NRG1: variants seen among roughly 807,000 people sequenced by gnomAD.
NRG1 encodes neuregulin 1.
A neutral mutation model predicts 63.8 loss-of-function variants in NRG1; 18 were observed. The observed-to-expected ratio is 0.28, with a 90% CI of 0.19 to 0.42. The LOEUF (loss-of-function observed/expected upper bound fraction) is 0.42. NRG1 is among the 10% of genes least tolerant of loss of function. NRG1 has a pLI of 1.00. For missense variants in NRG1, 762 were observed against 814.7 expected (o/e 0.94, Z 0.79); for synonymous variants, 302 against 301.3 (o/e 1.00, Z -0.02).
intron 1 of NRG1, among the ~76,000 whole-genome samples, chr8:32,008,790 T>C (rs113982355): frequency 0.015 from 2,247 of 152,202 alleles, 50 homozygotes; most frequent in African/African-American, 0.051. Flanking sequence ...CTTTTCTCTT[T>C]CTGTGACTCA....
intron 5 of NRG1, among the ~76,000 whole-genome samples, chr8:32,673,411 T>G (rs1404255112): frequency 6.6e-6 from 1 of 152,196 alleles, no homozygotes; most frequent in Non-Finnish European, 1.5e-5. Context: ...TATAGTGGAA[T>G]CGATTAAATC....
intron 5 of NRG1, among the ~76,000 whole-genome samples, chr8:32,655,134 C>T (rs986383329): frequency 6.6e-6 from 1 of 152,084 alleles, no homozygotes; most frequent in Non-Finnish European, 1.5e-5. Context: ...CAATTTTGTC[C>T]CTCATTCTAT....
chr8:32,365,008 G>C (rs1228562257), intron 1 of NRG1, among the ~76,000 whole-genome samples: 1 of 130,918 alleles, frequency 7.6e-6, no homozygotes, highest in African/African-American at 3.0e-5. Context: ...GCCCAGGCTA[G>C]AGTGCAGTGG....
At chr8:32,571,148 TAAAACAATA>T (rs1380323069) in intron 1 of NRG1, among the ~76,000 whole-genome samples, 1 of 152,126 alleles carries the variant, frequency 6.6e-6, no homozygotes, top group Admixed American at 6.6e-5. Context: ...GCCAGTAACA[TAAAACAATA>T]AAGACAGTGC....
chr8:31,712,577 T>C (rs1811890891), intron 1 of NRG1, among the ~76,000 whole-genome samples: 1 of 152,160 alleles, frequency 6.6e-6, no homozygotes, highest in African/African-American at 2.4e-5. Flanking sequence ...CCATGATCTT[T>C]CTTTTAAAGG....
At chr8:32,178,337 C>T (rs1043270562) in intron 1 of NRG1, among the ~76,000 whole-genome samples, 10 of 152,104 alleles carry the variant, frequency 6.6e-5, no homozygotes, top group African/African-American at 1.7e-4. Context: ...TGGTCAGGCT[C>T]GATGGCTCAC....
chr8:32,631,169 A>T (rs2439275), intron 5 of NRG1, among the ~76,000 whole-genome samples: 93,195 of 151,058 alleles, frequency 0.62, 29,724 homozygotes, highest in African/African-American at 0.76. Context: ...AACTTTTTTT[A>T]AAAAAAAGAA....
intron 1 of NRG1, among the ~76,000 whole-genome samples, chr8:32,454,259 T>C (rs1821328681): frequency 6.6e-6 from 1 of 152,230 alleles, no homozygotes; most frequent in Non-Finnish European, 1.5e-5. Flanking sequence ...TTTTGATTAT[T>C]TAAAATCATC....
At chr8:31,826,630 G>T (rs201395447) in intron 1 of NRG1, among the ~76,000 whole-genome samples, 1 of 152,052 alleles carries the variant, frequency 6.6e-6, no homozygotes, top group Non-Finnish European at 1.5e-5. Context: ...CCTCCTCCTG[G>T]CCTGGAATAA....
At chr8:32,768,121 T>G (rs1035692645), downstream of NRG1, among the ~76,000 whole-genome samples, 32 of 152,202 alleles carry the variant, frequency 2.1e-4, no homozygotes, top group African/African-American at 7.7e-4. Flanking sequence ...CCACACCACC[T>G]GTTCTCAAAT....
chr8:32,748,356 C>CAGAGAG (rs1194142025), intron 7 of NRG1, among the ~76,000 whole-genome samples: 4 of 81,002 alleles, frequency 4.9e-5, no homozygotes, highest in African/African-American at 1.2e-4. Context: ...CACACACACA[C>CAGAGAG]ACAGAGAGAG....
chr8:32,177,756 C>T (rs1585869320), intron 1 of NRG1, among the ~76,000 whole-genome samples: 1 of 152,084 alleles, frequency 6.6e-6, no homozygotes, highest in African/African-American at 2.4e-5. Context: ...GAAAAAAAAT[C>T]ATGGGACCAT....
chr8:32,542,711 CCTT>C (rs1050156739), intron 1 of NRG1, among the ~76,000 whole-genome samples: 2 of 152,198 alleles, frequency 1.3e-5, no homozygotes, highest in Admixed American at 6.5e-5. Flanking sequence ...CCCACAGCCT[CCTT>C]CTTCAAGGGC....
chr8:32,060,402 A>C (rs768164809), intron 1 of NRG1, among the ~76,000 whole-genome samples: 18 of 151,972 alleles, frequency 1.2e-4, no homozygotes, highest in Non-Finnish European at 2.5e-4. Context: ...TTTGGCATCA[A>C]TGAGCCTCCA....
intron 1 of NRG1, among the ~76,000 whole-genome samples, chr8:32,327,915 C>T (rs554326619): frequency 1.9e-4 from 29 of 152,268 alleles, no homozygotes; most frequent in African/African-American, 7.0e-4. Context: ...AAAAAGTCAC[C>T]AACTCTATCA....
At chr8:32,548,737 G>T in exon 1 of NRG1, 3 of 1,584,606 alleles carry the variant, frequency 1.9e-6, no homozygotes, top group Non-Finnish European at 2.6e-6. Context: ...ATGTCCGAGC[G>T]CAAAGAAGGC....
At chr8:31,874,059 C>T (rs1161819293) in intron 1 of NRG1, among the ~76,000 whole-genome samples, 1 of 152,080 alleles carries the variant, frequency 6.6e-6, no homozygotes, top group African/African-American at 2.4e-5. Flanking sequence ...TGAAAGGGAC[C>T]TTGGCTGATC....
At chr8:32,514,693 G>A (rs1010380702) in intron 1 of NRG1, among the ~76,000 whole-genome samples, 3 of 152,070 alleles carry the variant, frequency 2.0e-5, no homozygotes, top group African/African-American at 7.2e-5. Flanking sequence ...AGTATTTTGG[G>A]TCAGGTGGAT....
intron 1 of NRG1, among the ~76,000 whole-genome samples, chr8:31,833,644 T>C (rs552531546): frequency 1.3e-5 from 2 of 152,290 alleles, no homozygotes; most frequent in Admixed American, 1.3e-4. Context: ...ATGTAATAAT[T>C]GGCTTGGGTA....
Sources: allele counts gnomAD v4.1 joint callset (sites outside exome capture counted in the v4.1 genomes callset), GRCh38; gene constraint gnomAD v4.1.1; transcripts MANE v1.5; gene names NCBI Gene and HGNC (gene_info 2026-07-23, HGNC 2026-07-21).